FAXC: variants seen among roughly 807,000 people sequenced by gnomAD.
FAXC encodes failed axon connections homolog.
A neutral mutation model predicts 41.9 loss-of-function variants in FAXC; 10 were observed. That is an observed-to-expected ratio of 0.24 (90% CI 0.15 to 0.41). The LOEUF (loss-of-function observed/expected upper bound fraction) is 0.41, where lower values mean the gene tolerates loss of function less well. Ranked by LOEUF, FAXC falls within the 10% of genes least tolerant of loss-of-function variation. The pLI is 1.00. For missense variants in FAXC, 399 were observed against 510.9 expected (o/e 0.78, Z 2.11); for synonymous variants, 183 against 183.8 (o/e 1.00, Z 0.03).
chr6:99,344,159 ATAAGG>A (rs924645811), intron 1 of FAXC, among the ~76,000 whole-genome samples: 2 of 152,200 alleles, frequency 1.3e-5, no homozygotes, highest in African/African-American at 4.8e-5. Context: ...TGAGGATTAC[ATAAGG>A]TAATACTGTA....
rs34319104 is a variant in FAXC, at chr6:99,290,101, C to CCACACACACA, written c.940+1593_940+1602dup. Among the ~76,000 whole-genome samples, 756 of 142,548 alleles carry CCACACACACA rather than the reference C, an allele frequency of 5.3e-3. 8 individuals carry two copies. Among genetic ancestry groups the CCACACACACA allele is most frequent in the African/African-American group, 0.015 (582 of 37,624 alleles). 93.5% of individuals were successfully genotyped at this position (142,548 alleles called of 152,430 possible). A position where few individuals can be genotyped will look rare whatever the true frequency, so the allele number is the denominator to read the frequency against. On this transcript the variant is annotated intron_variant, in intron 5 of 5. Transcript: ENST00000389677. Reference sequence around the variant, plus strand: ...CTGTATATCCCACCACCCTACCCCACCACACACACACACACACACACACAC... The same window carrying CCACACACACA: ...CTGTATATCCCACCACCCTACCCCACCACACACACACACACACACACACACACACACACAC...
In FAXC at chr6:99,278,885, AT is replaced by A. The variant is rs1770723205; in HGVS notation, c.*2278del. 1 of 152,230 alleles carries A rather than the reference AT, an allele frequency of 6.6e-6. No individual in the cohort carries two copies. The highest frequency in any genetic ancestry group is 1.5e-5 in the Non-Finnish European group (1 of 68,036). The allele number at this position is 152,230 out of a possible 1,614,324, so 9.4% of individuals were successfully genotyped here. ...AAGTAATATAAAATTAAAAACATAT[AT>A]TAATCTACATTCTCATAACTTAATC... On this transcript the variant is annotated 3_prime_UTR_variant, in exon 6 of 6. Transcript: ENST00000389677.
At chr6:99,312,363 T>C (rs1019270836) in intron 4 of FAXC, among the ~76,000 whole-genome samples, 2 of 152,248 alleles carry the variant, frequency 1.3e-5, no homozygotes, top group African/African-American at 4.8e-5. Context: ...CAATGCACAC[T>C]GTTCAGCTCT....
intron 4 of FAXC, among the ~76,000 whole-genome samples, chr6:99,306,399 T>C (rs1294957023): frequency 1.3e-5 from 2 of 152,102 alleles, no homozygotes; most frequent in African/African-American, 4.8e-5. Context: ...CTGCCATTCA[T>C]GGAGAGAGGT....
intron 4 of FAXC, among the ~76,000 whole-genome samples, chr6:99,293,706 G>GTC (rs1326866257): frequency 2.7e-4 from 28 of 102,268 alleles, no homozygotes; most frequent in Admixed American, 1.9e-3. Flanking sequence ...GTGTGTGTGT[G>GTC]TGTGTGTCTG....
Position 99,343,200 on chromosome 6 carries a change from C to T in FAXC, c.267-167G>A, listed in dbSNP as rs148637108. Among the ~76,000 whole-genome samples the T allele has an allele frequency of 2.1e-3, 325 of 152,276 alleles. 1 individual carries two copies. Among genetic ancestry groups the T allele is most frequent in the African/African-American group, 7.5e-3 (313 of 41,554 alleles). ...CACCCAGTTTGTCGAAGGGGCTTAC[C>T]TCACCCAGCACTCATGGAAGCTTAG... On this transcript the variant is annotated intron_variant, in intron 1 of 5. Coordinates refer to ENST00000389677, the MANE Select transcript of FAXC (RefSeq NM_032511.4).
At chr6:99,335,227 T>C (rs1489630560) in intron 2 of FAXC, among the ~76,000 whole-genome samples, 2 of 152,216 alleles carry the variant, frequency 1.3e-5, no homozygotes, top group African/African-American at 4.8e-5. Context: ...CTTTTTAAAA[T>C]AGTAGTAATA....
chr6:99,320,349 A>AT (rs529571802), intron 4 of FAXC, among the ~76,000 whole-genome samples: 420 of 152,282 alleles, frequency 2.8e-3, no homozygotes, highest in African/African-American at 9.6e-3. Context: ...ACTCTACCTG[A>AT]TTTGACTGCA....
At chr6:99,328,358 G>T (rs1772896618) in intron 3 of FAXC, among the ~76,000 whole-genome samples, 1 of 152,200 alleles carries the variant, frequency 6.6e-6, no homozygotes, top group Non-Finnish European at 1.5e-5. Context: ...CCAGAGAGCT[G>T]CCTTGGCCCT....
chr6:99,322,762 C>A (rs1562174399), intron 4 of FAXC, among the ~76,000 whole-genome samples: 1 of 152,218 alleles, frequency 6.6e-6, no homozygotes, highest in East Asian at 1.9e-4. Flanking sequence ...CAGGCCCCCT[C>A]AACCGGTCAG....
chr6:99,349,477 C>G lies in FAXC; in HGVS notation c.-105G>C. ...CTCAGAGGCGCGCGGAGGGCGCGGG[C>G]GGCGCGGGCGGCGGCGACTGAGGAG... is the stretch of plus-strand genomic sequence containing the variant. On this transcript the variant is annotated 5_prime_UTR_variant, in exon 1 of 6. Coordinates refer to ENST00000389677, the MANE Select transcript of FAXC (RefSeq NM_032511.4). The G allele has an allele frequency of 1.2e-6, 1 of 852,042 alleles. No individual in the cohort carries two copies. Among genetic ancestry groups the G allele is most frequent in the Middle Eastern group, 5.9e-4 (1 of 1,690 alleles). The allele number at this position is 852,042 out of a possible 1,614,324, so 52.8% of individuals were successfully genotyped here. A position where few individuals can be genotyped will look rare whatever the true frequency, so the allele number is the denominator to read the frequency against.
intron 5 of FAXC, among the ~76,000 whole-genome samples, chr6:99,290,101 C>CACACACA: frequency 7.0e-6 from 1 of 142,578 alleles, no homozygotes; most frequent in African/African-American, 2.7e-5. Context: ...CCCTACCCCA[C>CACACACA]CACACACACA....
chr6:99,333,268 A>G, intron 3 of FAXC, 83 bp downstream of exon 3: 1 of 1,210,182 alleles, frequency 8.3e-7, no homozygotes, highest in Non-Finnish European at 1.2e-6. Context: ...AAAACTGCTG[A>G]AACGGTGGAA....
At chr6:99,282,237 C>A (rs894919810) in intron 5 of FAXC, among the ~76,000 whole-genome samples, 1 of 152,050 alleles carries the variant, frequency 6.6e-6, no homozygotes, top group Admixed American at 6.5e-5. Flanking sequence ...CATAAAAATA[C>A]GTCAAACTGT....
chr6:99,298,972 G>A (rs2128452471), intron 4 of FAXC, among the ~76,000 whole-genome samples: 1 of 152,062 alleles, frequency 6.6e-6, no homozygotes, highest in South Asian at 2.1e-4. Flanking sequence ...TACTGGGTAG[G>A]GCAGACTATT....
At chr6:99,328,553 C>A (rs914615490) in intron 3 of FAXC, among the ~76,000 whole-genome samples, 5 of 152,182 alleles carry the variant, frequency 3.3e-5, no homozygotes, top group African/African-American at 1.2e-4. Flanking sequence ...GCCCAAACGG[C>A]CTAATATACT....
intron 4 of FAXC, among the ~76,000 whole-genome samples, chr6:99,308,952 CCAAA>C (rs1037834428): frequency 2.6e-5 from 4 of 152,120 alleles, no homozygotes; most frequent in Non-Finnish European, 5.9e-5. Flanking sequence ...TGACCAAGCA[CCAAA>C]CAATTGACAA....
chr6:99,321,969 G>A (rs1772605944), intron 4 of FAXC, among the ~76,000 whole-genome samples: 1 of 152,234 alleles, frequency 6.6e-6, no homozygotes, highest in Non-Finnish European at 1.5e-5. Context: ...GAAGAAGCCA[G>A]GAACAGACAT....
chr6:99,273,152 C>T lies in FAXC; in HGVS notation c.*8012G>A, dbSNP rs1451117257. On this transcript the variant is annotated 3_prime_UTR_variant, in exon 6 of 6. Coordinates refer to ENST00000389677, the MANE Select transcript of FAXC (RefSeq NM_032511.4). ...CCATCTTCACATTGGGGTCATCATT[C>T]AGCAAGATGCTAATCATTGTGATTG... is the stretch of plus-strand genomic sequence containing the variant. 6.6e-6 allele frequency: 1 copy of T among 152,126 alleles called. No individual in the cohort carries two copies. The highest frequency in any genetic ancestry group is 2.4e-5 in the African/African-American group (1 of 41,422). 9.4% of individuals were successfully genotyped at this position (152,126 alleles called of 1,614,324 possible).
Sources: allele counts gnomAD v4.1 joint callset (sites outside exome capture counted in the v4.1 genomes callset), GRCh38; gene constraint gnomAD v4.1.1; transcripts MANE v1.5; gene names NCBI Gene and HGNC (gene_info 2026-07-23, HGNC 2026-07-21).